The following ZNF280B variants were observed in gnomAD, a reference collection of about 807,000 sequenced individuals.
ZNF280B encodes the protein suppressor of hairy wing homolog 2.
In ZNF280B, 16 loss-of-function variants were observed where a neutral mutation model predicts 38.0. The ratio of observed to expected loss-of-function variants is 0.42; its 90% CI spans 0.28 to 0.64. The LOEUF is 0.64. Among genes scored for constraint, ZNF280B ranks in the 30% least tolerant of loss-of-function variants. The pLI is 0.21. For missense variants in ZNF280B, 581 were observed against 639.6 expected (o/e 0.91, Z 0.99); for synonymous variants, 253 against 230.6 (o/e 1.10, Z -0.88).
At chr22:22,496,671 T>C (rs1211070421) in intron 2 of ZNF280B, among the ~76,000 whole-genome samples, 1 of 151,196 alleles carries the variant, frequency 6.6e-6, no homozygotes, top group African/African-American at 2.4e-5. Context: ...AGCAGTGGGG[T>C]GAAGAAAGTG....
chr22:22,501,028 A>AC (rs1349872518), intron 2 of ZNF280B, among the ~76,000 whole-genome samples: 3 of 110,426 alleles, frequency 2.7e-5, no homozygotes, highest in African/African-American at 1.2e-4. Context: ...TCAAAAAAAA[A>AC]AAAAAAAAAA....
At position 22,487,498 on chromosome 22, in the gene ZNF280B, A is replaced by C. The variant is rs1280710771; in HGVS notation, c.*269T>G. On this transcript the variant is annotated 3_prime_UTR_variant, in exon 4 of 4. Transcript: ENST00000626650. ...AAAATTAAAATTAAAAAAATAAATT[A>C]ATACCTTTTTCTCTCTCTCACACAC... 3.7e-6 allele frequency: 1 copy of C among 273,878 alleles called. No homozygotes were observed. The highest frequency in any genetic ancestry group is 6.6e-6 in the Non-Finnish European group (1 of 151,686). 17.0% of individuals were successfully genotyped at this position (273,878 alleles called of 1,614,324 possible).
rs546085363 is a variant in ZNF280B, at chr22:22,499,468, T to C, written c.-186-5288A>G. On this transcript the variant is annotated intron_variant, in intron 2 of 3. Coordinates refer to ENST00000626650, the MANE Select transcript of ZNF280B (RefSeq NM_080764.4). ...TTTTAGTAGAGACATGGTTTCTCCA[T>C]GCTGGTCAGGCTGGTCTCGAACTCC... Among the ~76,000 whole-genome samples, 3 of 151,832 alleles carry C rather than the reference T, an allele frequency of 2.0e-5. No homozygotes were observed. In the South Asian group the frequency reaches 6.2e-4, roughly 32 times the overall value.
intron 2 of ZNF280B, among the ~76,000 whole-genome samples, chr22:22,497,271 C>T (rs1295204135): frequency 1.3e-4 from 17 of 130,270 alleles, no homozygotes; most frequent in Non-Finnish European, 2.3e-4. Context: ...TGGCTCACAC[C>T]TGTAATCCCA....
intron 2 of ZNF280B, among the ~76,000 whole-genome samples, chr22:22,497,440 A>C (rs1414259033): frequency 1.3e-5 from 2 of 151,674 alleles, no homozygotes; most frequent in Non-Finnish European, 2.9e-5. Flanking sequence ...CTGAGGCAAG[A>C]GAATCAATTG....
At chr22:22,505,231 T>C (rs1282288437) in intron 2 of ZNF280B, among the ~76,000 whole-genome samples, 2 of 151,878 alleles carry the variant, frequency 1.3e-5, no homozygotes, top group South Asian at 2.1e-4. Context: ...AATGAGCTGT[T>C]TGTGGCAAAG....
At chr22:22,506,684 G>C (rs1258351981) in intron 2 of ZNF280B, among the ~76,000 whole-genome samples, 1 of 151,886 alleles carries the variant, frequency 6.6e-6, no homozygotes, top group African/African-American at 2.4e-5. Context: ...TAATGATCTG[G>C]AGAGATAGAA....
chr22:22,497,171 C>T (rs1449307824), intron 2 of ZNF280B, among the ~76,000 whole-genome samples: 2 of 132,446 alleles, frequency 1.5e-5, no homozygotes, highest in East Asian at 2.4e-4. Flanking sequence ...CCTTTTCCTT[C>T]CCTTCCTCCT....
chr22:22,496,528 A>T (rs1433857662), intron 2 of ZNF280B, among the ~76,000 whole-genome samples: 3 of 151,952 alleles, frequency 2.0e-5, no homozygotes, highest in African/African-American at 7.3e-5. Context: ...ATGGAATACA[A>T]ATGTTTGCTG....
chr22:22,503,539 A>T (rs890973651), intron 2 of ZNF280B, among the ~76,000 whole-genome samples: 7 of 152,006 alleles, frequency 4.6e-5, no homozygotes, highest in Admixed American at 6.6e-5. Flanking sequence ...GCGAACAAAA[A>T]GAATTAAGCT....
intron 1 of ZNF280B, among the ~76,000 whole-genome samples, chr22:22,508,267 GGGTT>G (rs1182477735): frequency 6.6e-6 from 1 of 151,920 alleles, no homozygotes; most frequent in African/African-American, 2.4e-5. Flanking sequence ...GGAGGGCCTG[GGGTT>G]ACAAAGCAGT....
intron 2 of ZNF280B, among the ~76,000 whole-genome samples, chr22:22,497,671 G>A (rs2061728792): frequency 6.6e-6 from 1 of 151,918 alleles, no homozygotes; most frequent in African/African-American, 2.4e-5. Context: ...TGAAGTTAAG[G>A]GGAATGGTGG....
At chr22:22,501,019 C>CAAAAAAAAA (rs56907724) in intron 2 of ZNF280B, among the ~76,000 whole-genome samples, 30 of 60,236 alleles carry the variant, frequency 5.0e-4, no homozygotes, top group South Asian at 7.7e-4. Flanking sequence ...GACTCCGTCT[C>CAAAAAAAAA]AAAAAAAAAA....
intron 2 of ZNF280B, among the ~76,000 whole-genome samples, chr22:22,496,115 T>C (rs1433017187): frequency 7.1e-6 from 1 of 141,550 alleles, no homozygotes; most frequent in Non-Finnish European, 1.5e-5. Flanking sequence ...CTTTTTTTTT[T>C]TTTTTTTTTT....
intron 2 of ZNF280B, among the ~76,000 whole-genome samples, chr22:22,502,217 T>TAGTC (rs1424132834): frequency 6.6e-6 from 1 of 151,998 alleles, no homozygotes; most frequent in East Asian, 2.0e-4. Context: ...CTGCTCAATA[T>TAGTC]AGTCATTAAG....
rs769798058 is a variant in ZNF280B at position 22,487,891 on chromosome 22, A to G, written c.1508T>C (p.Ile503Thr). The G allele has an allele frequency of 6.2e-7, 1 of 1,613,834 alleles. No homozygotes were observed. Among genetic ancestry groups the G allele is most frequent in the Non-Finnish European group, 8.5e-7 (1 of 1,179,934 alleles). The change falls in exon 4 of 4, where the codon ATT (isoleucine) becomes ACT (threonine). Residue 503 changes from isoleucine to threonine, a missense_variant. Physicochemically the swap from Ile to Thr is moderately conservative, Grantham distance 89 (BLOSUM62 -1). Coordinates refer to ENST00000626650, the MANE Select transcript of ZNF280B (RefSeq NM_080764.4). ...EGLPPETKVT[I>T]QVSLEPLQPG... Reference sequence around the variant, plus strand: ...CTGAAGAGGTTCCAGCGACACTTGAATAGTAACTTTTGTTTCAGGAGGTAA... The same window carrying G: ...CTGAAGAGGTTCCAGCGACACTTGAGTAGTAACTTTTGTTTCAGGAGGTAA...
chr22:22,493,767 A>G (rs971386873), intron 3 of ZNF280B, among the ~76,000 whole-genome samples: 96 of 152,072 alleles, frequency 6.3e-4, no homozygotes, highest in Non-Finnish European at 2.2e-4. Flanking sequence ...CAAATTATAT[A>G]ACACAACACC....
Position 22,484,586 on chromosome 22 carries a change from T to C in ZNF280B, c.*3181A>G, listed in dbSNP as rs375001881. On this transcript the variant is annotated 3_prime_UTR_variant, in exon 4 of 4. Coordinates refer to ENST00000626650, the MANE Select transcript of ZNF280B (RefSeq NM_080764.4). ...GTAATCTTGACATATTCAATATATT[T>C]GTAAACAAAACAAAGTGACATTGCC... 30 of 152,518 alleles carry C rather than the reference T, an allele frequency of 2.0e-4. 1 individual carries two copies. In the East Asian group the frequency reaches 3.3e-3, roughly 17 times the overall value. 9.4% of individuals were successfully genotyped at this position (152,518 alleles called of 1,614,324 possible). A position where few individuals can be genotyped will look rare whatever the true frequency, so the allele number is the denominator to read the frequency against.
At chr22:22,505,970 A>G (rs534497063) in intron 2 of ZNF280B, among the ~76,000 whole-genome samples, 1 of 152,034 alleles carries the variant, frequency 6.6e-6, no homozygotes, top group East Asian at 2.0e-4. Context: ...TATGAACAAA[A>G]GATGATGGTA....
Sources: allele counts gnomAD v4.1 joint callset (sites outside exome capture counted in the v4.1 genomes callset), GRCh38; gene constraint gnomAD v4.1.1; transcripts MANE v1.5; gene names NCBI Gene and HGNC (gene_info 2026-07-23, HGNC 2026-07-21).